The following COL4A4 variants were observed in gnomAD, a reference collection of about 807,000 sequenced individuals.
The protein encoded by COL4A4 is collagen type IV alpha 4 chain, also known as collagen alpha-4(IV) chain.
A neutral mutation model predicts 192.9 loss-of-function variants in COL4A4; 105 were observed. The ratio of observed to expected loss-of-function variants is 0.54; its 90% CI spans 0.46 to 0.64. COL4A4 has a LOEUF of 0.64. COL4A4 is among the 30% of genes least tolerant of loss of function. The pLI, the probability that COL4A4 is intolerant of heterozygous loss-of-function variation, is 0.00. For synonymous variants in COL4A4, 762 were observed against 769.9 expected (o/e 0.99, Z 0.17); for missense variants, 1,967 against 2,169.3 (o/e 0.91, Z 1.85).
intron 28 of COL4A4, 123 bp from the exon 29 acceptor site, chr2:227,057,723 G>C: frequency 9.6e-7 from 1 of 1,040,882 alleles, no homozygotes; most frequent in Non-Finnish European, 1.5e-6. Flanking sequence ...GTGTTCAAAT[G>C]GGTTAAGTCT....
chr2:227,027,484 G>T (rs10187160), intron 42 of COL4A4, among the ~76,000 whole-genome samples: 2 of 140,974 alleles, frequency 1.4e-5, no homozygotes, highest in Admixed American at 7.1e-5. Context: ...TTGTGGAGTG[G>T]GAGGAGGGGG....
At chr2:226,970,063 C>G in the COL4A4 span, among the ~76,000 whole-genome samples, 1 of 142,772 alleles carries the variant, frequency 7.0e-6, no homozygotes, top group East Asian at 2.1e-4. Flanking sequence ...CCAGCCCTCT[C>G]CCCCCGCATT....
At chr2:227,032,893 G>C (rs1271513159) in intron 38 of COL4A4, among the ~76,000 whole-genome samples, 1 of 152,248 alleles carries the variant, frequency 6.6e-6, no homozygotes, top group East Asian at 1.9e-4. Flanking sequence ...AGAAAGTAAC[G>C]CAACAAATGT....
chr2:227,052,290 C>T lies in COL4A4; in HGVS notation c.2968+15G>A, dbSNP rs746731033. On this transcript the variant is annotated intron_variant, in intron 32 of 47. Transcript: ENST00000396625. ...TCAACTTATTTGATATGGTTAAAAA[C>T]TCTTAAGTGTTTACCTCTTTCTCCT... is the stretch of plus-strand genomic sequence containing the variant. 3.1e-5 allele frequency: 44 copies of T among 1,433,468 alleles called. No homozygotes were observed. Among genetic ancestry groups the T allele is most frequent in the Non-Finnish European group, 3.5e-5 (36 of 1,016,008 alleles). The allele number at this position is 1,433,468 out of a possible 1,614,324, so 88.8% of individuals were successfully genotyped here. A position where few individuals can be genotyped will look rare whatever the true frequency, so the allele number is the denominator to read the frequency against.
rs1488202851 is a variant in COL4A4, at chr2:227,056,089, C to T, written c.2572G>A (p.Gly858Arg). Residue 858 changes from glycine to arginine, a missense_variant, in exon 30 of 48, where the codon GGA becomes AGA. Physicochemically the swap from Gly to Arg is moderately radical, Grantham distance 125. Coordinates refer to ENST00000396625, the MANE Select transcript of COL4A4 (RefSeq NM_000092.5). ...GCTGGCCCGGGAGGCCCCACATCTC[C>T]CGGCTGTCCTTTCCCACCTGGAGCA... is the stretch of plus-strand genomic sequence containing the variant. ...PGAPGGKGQP[G>R]DVGPPGPAGM... 1 of 1,614,060 alleles carries T rather than the reference C, an allele frequency of 6.2e-7. No individual in the cohort carries two copies. The highest frequency in any genetic ancestry group is 1.1e-5 in the South Asian group (1 of 91,068).
chr2:227,101,020 G>A (rs2060488182), intron 17 of COL4A4, among the ~76,000 whole-genome samples: 1 of 152,134 alleles, frequency 6.6e-6, no homozygotes, highest in Non-Finnish European at 1.5e-5. Flanking sequence ...GTGTTAGCCA[G>A]GATGGTCTCG....
the COL4A4 span, among the ~76,000 whole-genome samples, chr2:226,979,260 A>G: frequency 1.3e-5 from 2 of 152,194 alleles, no homozygotes; most frequent in Non-Finnish European, 1.5e-5. Context: ...CAGTTCAGCT[A>G]AAAACTAGGT....
At chr2:227,102,368 G>A (rs1054124344) in intron 15 of COL4A4, among the ~76,000 whole-genome samples, 6 of 152,190 alleles carry the variant, frequency 3.9e-5, no homozygotes, top group Non-Finnish European at 8.8e-5. Flanking sequence ...CTGCGGTCTG[G>A]CCTCCATGGT....
the COL4A4 span, chr2:226,988,410 GC>G: frequency 6.4e-7 from 1 of 1,550,488 alleles, no homozygotes; most frequent in Non-Finnish European, 8.7e-7. Flanking sequence ...GGACCCAGAT[GC>G]CTGGGAAGCC....
rs2059804775 is a variant in COL4A4 at position 227,089,654 on chromosome 2, T to TATA, written c.1459+213_1459+214insTAT. Among the ~76,000 whole-genome samples the TATA allele has an allele frequency of 6.7e-4, 96 of 143,212 alleles. 2 individuals carry two copies. The highest frequency in any genetic ancestry group is 4.1e-3 in the South Asian group (18 of 4,354). The allele number at this position is 143,212 out of a possible 152,430, so 94.0% of individuals were successfully genotyped here. A position where few individuals can be genotyped will look rare whatever the true frequency, so the allele number is the denominator to read the frequency against. ...ATAAGACACAAGGCTTTGACTTTTA[T>TATA]AATATATAAGACACAAGGCTTTATA... On this transcript the variant is annotated intron_variant, in intron 21 of 47. Coordinates refer to ENST00000396625, the MANE Select transcript of COL4A4 (RefSeq NM_000092.5).
intron 40 of COL4A4, among the ~76,000 whole-genome samples, chr2:227,031,543 C>A (rs1201081321): frequency 1.3e-5 from 2 of 152,174 alleles, no homozygotes; most frequent in African/African-American, 2.4e-5. Context: ...GTGCCACAAG[C>A]CTGCATCCTG....
intron 44 of COL4A4, among the ~76,000 whole-genome samples, chr2:227,021,559 C>A (rs1966007841): frequency 6.6e-6 from 1 of 152,328 alleles, no homozygotes; most frequent in East Asian, 1.9e-4. Flanking sequence ...GGTGCAGTGG[C>A]TCATGCCTGT....
Position 227,007,524 on chromosome 2 carries a change from TCTTC to T in COL4A4, c.4870_4873del (p.Glu1624IlefsTer31). On this transcript the variant is annotated frameshift_variant, in exon 48 of 48. Transcript: ENST00000396625. LOFTEE classifies it high-confidence loss of function. ...TTCAAGGAATGGTGCTGCTCTGAAA[TCTTC>T]CAGGCAGCTGCCAGGTGACATAAGG... 2 of 1,613,748 alleles carry T rather than the reference TCTTC, an allele frequency of 1.2e-6. No homozygotes were observed. Among genetic ancestry groups the T allele is most frequent in the Non-Finnish European group, 1.7e-6 (2 of 1,180,026 alleles).
At chr2:227,060,595 G>C (rs1345495369) in intron 26 of COL4A4, among the ~76,000 whole-genome samples, 1 of 152,220 alleles carries the variant, frequency 6.6e-6, no homozygotes, top group East Asian at 1.9e-4. Flanking sequence ...TAGGGGTAAA[G>C]AGGTGGTGGC....
chr2:227,094,393 T>A, intron 19 of COL4A4, 104 bp from the exon 20 acceptor site: 1 of 1,219,372 alleles, frequency 8.2e-7, no homozygotes, highest in Non-Finnish European at 1.2e-6. Context: ...TCGAATTTTT[T>A]AAAGGGAAAG....
chr2:227,105,857 C>T lies in COL4A4; in HGVS notation c.736-1805G>A, dbSNP rs562879187. Among the ~76,000 whole-genome samples, 19 of 152,190 alleles carry T rather than the reference C, an allele frequency of 1.2e-4. No homozygotes were observed. In the South Asian group the frequency reaches 3.7e-3, roughly 30 times the overall value. Reference sequence around the variant, plus strand: ...CCTCATTTCCTTACTTCCTTGAAACCTCATTTTTCTTCTCTGTGAAATGGA... The same window carrying T: ...CCTCATTTCCTTACTTCCTTGAAACTTCATTTTTCTTCTCTGTGAAATGGA... On this transcript the variant is annotated intron_variant, in intron 12 of 47. Transcript: ENST00000396625.
intron 37 of COL4A4, among the ~76,000 whole-genome samples, chr2:227,041,703 A>AGGAG (rs1970888536): frequency 2.2e-5 from 3 of 134,144 alleles, no homozygotes; most frequent in African/African-American, 9.6e-5. Flanking sequence ...AGAGAGAGAG[A>AGGAG]GAAGGAAGGA....
intron 7 of COL4A4, 83 bp from the exon 8 acceptor site, chr2:227,114,779 C>A (rs1297617233): frequency 8.9e-7 from 1 of 1,118,954 alleles, no homozygotes. Flanking sequence ...AAATATAACT[C>A]ATCAGTTAAA....
intron 35 of COL4A4, among the ~76,000 whole-genome samples, chr2:227,044,695 T>G (rs918519717): frequency 6.6e-6 from 1 of 152,168 alleles, no homozygotes; most frequent in Non-Finnish European, 1.5e-5. Flanking sequence ...CACTATATTT[T>G]CTCTCTGAAT....
Sources: gnomAD v4.1 joint callset for allele counts (sites outside exome capture counted in the v4.1 genomes callset) on GRCh38, gnomAD v4.1.1 for gene constraint, MANE v1.5 for transcripts, NCBI Gene and HGNC (gene_info 2026-07-23, HGNC 2026-07-21) for gene names.